Variants in IQCM observed in about 807,000 individuals in gnomAD.
IQCM encodes IQ motif containing M.
Under a neutral mutation model 57.6 loss-of-function variants are expected in IQCM, and 45 were observed. The ratio of observed to expected loss-of-function variants is 0.78; its 90% CI spans 0.62 to 1.00. IQCM has a LOEUF of 1.00. IQCM is among the 50% of genes least tolerant of loss of function. The pLI, the probability that IQCM is intolerant of heterozygous loss-of-function variation, is 0.00. For missense variants in IQCM, 468 were observed against 511.6 expected (o/e 0.91, Z 0.82); for synonymous variants, 148 against 158.9 (o/e 0.93, Z 0.51).
At chr4:149,628,197 T>TC (rs1215312954) in intron 7 of IQCM, among the ~76,000 whole-genome samples, 1 of 152,090 alleles carries the variant, frequency 6.6e-6, no homozygotes, top group East Asian at 1.9e-4. Flanking sequence ...ACTGTTTAAA[T>TC]CTAAAAATAT....
intron 5 of IQCM, among the ~76,000 whole-genome samples, chr4:149,694,393 T>C (rs981265459): frequency 6.6e-6 from 1 of 151,722 alleles, no homozygotes; most frequent in East Asian, 1.9e-4. Flanking sequence ...CCCGGCTAAT[T>C]TTTTGTATTT....
intron 9 of IQCM, among the ~76,000 whole-genome samples, chr4:149,564,899 A>G (rs994076673): frequency 6.6e-6 from 1 of 152,086 alleles, no homozygotes; most frequent in Admixed American, 6.6e-5. Flanking sequence ...ATTTGAGAAA[A>G]CTGAAGATTT....
chr4:149,709,720 A>C (rs1764420907), intron 5 of IQCM, among the ~76,000 whole-genome samples: 1 of 152,106 alleles, frequency 6.6e-6, no homozygotes, highest in Admixed American at 6.6e-5. Context: ...TGGCACATTT[A>C]ATTAGATTCC....
intron 10 of IQCM, among the ~76,000 whole-genome samples, chr4:149,554,806 T>C (rs183692513): frequency 0.017 from 2,561 of 151,894 alleles, 42 homozygotes; most frequent in Middle Eastern, 0.041. Flanking sequence ...TTCACGCCAT[T>C]CTCCTGCCTC....
intron 8 of IQCM, among the ~76,000 whole-genome samples, chr4:149,609,166 T>C (rs1164582949): frequency 6.6e-6 from 1 of 151,640 alleles, no homozygotes; most frequent in Non-Finnish European, 1.5e-5. Context: ...CCTAGACACA[T>C]GCAACCTACG....
At chr4:149,673,579 T>A (rs1761497303) in intron 7 of IQCM, among the ~76,000 whole-genome samples, 1 of 152,134 alleles carries the variant, frequency 6.6e-6, no homozygotes, top group Non-Finnish European at 1.5e-5. Context: ...CTAACTATCC[T>A]AAAAATATAT....
At chr4:149,740,471 GCC>G (rs1767353391) in intron 3 of IQCM, among the ~76,000 whole-genome samples, 1 of 152,100 alleles carries the variant, frequency 6.6e-6, no homozygotes, top group Non-Finnish European at 1.5e-5. Flanking sequence ...TGTGATAGAA[GCC>G]AACATAAACC....
rs886662832 is a variant in IQCM at position 149,351,940 on chromosome 4, T to C, written c.*11A>G. 1.3e-5 allele frequency: 5 copies of C among 398,822 alleles called. No homozygotes were observed. The highest frequency in any genetic ancestry group is 6.2e-5 in the African/African-American group (3 of 48,638). 24.7% of individuals were successfully genotyped at this position (398,822 alleles called of 1,614,324 possible). ...AGTTTAACTATTACAGGTAATAATA[T>C]GTTGGAAACATCATTCAACTTTACA... On this transcript the variant is annotated 3_prime_UTR_variant, in exon 14 of 14. Transcript: ENST00000636793.
chr4:149,527,601 T>A (rs1746290052), intron 12 of IQCM, among the ~76,000 whole-genome samples: 1 of 152,192 alleles, frequency 6.6e-6, no homozygotes, highest in Admixed American at 6.5e-5. Context: ...TATAGTATTT[T>A]GTTAAAGCAG....
rs112560274 is a variant in IQCM, at chr4:149,620,882, G to A, written c.681+247C>T. Among the ~76,000 whole-genome samples, 337 of 152,248 alleles carry A rather than the reference G, an allele frequency of 2.2e-3. 1 individual carries two copies. The highest frequency in any genetic ancestry group is 7.6e-3 in the African/African-American group (315 of 41,556). On this transcript the variant is annotated intron_variant, in intron 8 of 13. Transcript: ENST00000636793. ...ATTTGGAGCAAACCATGTGATGATC[G>A]CTTTAACCAATGCTCTTCAAATAAA...
At chr4:149,740,183 T>C (rs1767325009) in intron 3 of IQCM, among the ~76,000 whole-genome samples, 1 of 152,206 alleles carries the variant, frequency 6.6e-6, no homozygotes, top group South Asian at 2.1e-4. Flanking sequence ...AGTTAAAAGA[T>C]AATCTTAAGC....
At chr4:149,537,344 T>A (rs944871940) in intron 12 of IQCM, among the ~76,000 whole-genome samples, 1 of 151,702 alleles carries the variant, frequency 6.6e-6, no homozygotes, top group African/African-American at 2.4e-5. Context: ...TACAAAATGA[T>A]CTCAGCCACA....
intron 13 of IQCM, among the ~76,000 whole-genome samples, chr4:149,412,937 T>C (rs532405675): frequency 2.6e-5 from 4 of 152,000 alleles, no homozygotes; most frequent in Admixed American, 2.0e-4. Context: ...GGTGATGGAG[T>C]GGAGAGAAAG....
chr4:149,387,375 A>G (rs1429369349), intron 13 of IQCM, among the ~76,000 whole-genome samples: 2 of 152,046 alleles, frequency 1.3e-5, no homozygotes, highest in Middle Eastern at 3.2e-3. Context: ...AGACTTTCCG[A>G]TCATAGCAGG....
intron 13 of IQCM, among the ~76,000 whole-genome samples, chr4:149,428,711 A>G (rs1253360036): frequency 6.6e-6 from 1 of 151,898 alleles, no homozygotes; most frequent in Admixed American, 6.6e-5. Flanking sequence ...ATGTGTATCA[A>G]GTCTTGACTA....
At chr4:149,603,341 A>G (rs1392937142) in intron 8 of IQCM, among the ~76,000 whole-genome samples, 1 of 152,224 alleles carries the variant, frequency 6.6e-6, no homozygotes, top group Non-Finnish European at 1.5e-5. Context: ...TTCAAGAGTA[A>G]AACTGGAATC....
intron 3 of IQCM, among the ~76,000 whole-genome samples, chr4:149,742,237 A>G (rs1460260309): frequency 6.6e-6 from 1 of 152,156 alleles, no homozygotes; most frequent in Non-Finnish European, 1.5e-5. Context: ...CTAAATTTTT[A>G]TCAGAACTAC....
intron 7 of IQCM, among the ~76,000 whole-genome samples, chr4:149,669,977 T>C (rs1031292777): frequency 1.3e-5 from 2 of 152,228 alleles, no homozygotes; most frequent in African/African-American, 4.8e-5. Flanking sequence ...TTTGGTTGCA[T>C]ATGAACTTTA....
chr4:149,763,432 G>A (rs993427289), intron 2 of IQCM, among the ~76,000 whole-genome samples: 1 of 151,966 alleles, frequency 6.6e-6, no homozygotes, highest in Non-Finnish European at 1.5e-5. Flanking sequence ...TTCTAGAGGA[G>A]AAAAAGAGGC....
Sources: gnomAD v4.1 joint callset for allele counts (sites outside exome capture counted in the v4.1 genomes callset) on GRCh38, gnomAD v4.1.1 for gene constraint, MANE v1.5 for transcripts, NCBI Gene and HGNC (gene_info 2026-07-23, HGNC 2026-07-21) for gene names.